The following UPF3B variants were observed in gnomAD, a reference collection of about 807,000 sequenced individuals.
The protein encoded by UPF3B is UPF3B regulator of nonsense mediated mRNA decay.
A neutral mutation model predicts 40.3 loss-of-function variants in UPF3B; 7 were observed. The ratio of observed to expected loss-of-function variants is 0.17; its 90% CI spans 0.10 to 0.33. The LOEUF is 0.33. Ranked by LOEUF, UPF3B falls within the 10% of genes least tolerant of loss-of-function variation. The probability of loss-of-function intolerance (pLI) is 1.00; values close to 1 mark genes in which losing one functional copy is unlikely to be tolerated. For missense variants in UPF3B, 229 were observed against 358.9 expected, an observed-to-expected ratio of 0.64 and a Z score of 2.93; for synonymous variants, 117 against 117.3, an observed-to-expected ratio of 1.00 and a Z score of 0.01.
At position 119,837,862 on chromosome X, in the gene UPF3B, T is replaced by C. The variant is rs769010384; in HGVS notation, c.1197A>G (p.Thr399=). ...KEEEMKKEKD[T]LRDKGKKAES... ...CAGCCTTCTTTCCTTTATCCCGAAG[T>C]GTGTCTTTCTCTTTTTTCATTTCTT... Residue 399 remains threonine, a synonymous_variant, in exon 10 of 11, where the codon ACA becomes ACG. Coordinates refer to ENST00000276201, the MANE Select transcript of UPF3B (RefSeq NM_080632.3). The C allele has an allele frequency of 8.3e-6, 10 of 1,208,784 alleles. No individual in the cohort carries two copies. In the South Asian group the frequency reaches 8.8e-5, roughly 11 times the overall value.
chrX:119,840,074 C>A (rs773839549), intron 8 of UPF3B, among the ~76,000 whole-genome samples: 30 of 111,570 alleles, frequency 2.7e-4, no homozygotes, highest in Admixed American at 9.5e-5. Context: ...ACCCTGCCAC[C>A]CTCTCTGTGA....
chrX:119,826,110 G>A (rs1241002300), intron 3 of UPF3B, among the ~76,000 whole-genome samples: 5 of 111,589 alleles, frequency 4.5e-5, no homozygotes, highest in Non-Finnish European at 7.5e-5. Context: ...GCAGTGAGCC[G>A]AGATCGTGCC....
chrX:119,844,930 T>C (rs1371198450), intron 4 of UPF3B, among the ~76,000 whole-genome samples: 1 of 112,274 alleles, frequency 8.9e-6, no homozygotes, highest in Admixed American at 9.5e-5. Flanking sequence ...TCAATAAACC[T>C]ATGGTGATTT....
intron 5 of UPF3B, among the ~76,000 whole-genome samples, chrX:119,813,949 C>G (rs2055843700): frequency 1.8e-5 from 2 of 111,546 alleles, no homozygotes; most frequent in African/African-American, 6.5e-5. Flanking sequence ...GAACCATGAA[C>G]TGATCGTTCT....
At position 119,851,850 on chromosome X, in the gene UPF3B, G is replaced by A; in HGVS notation, c.180C>T (p.Pro60=). The A allele has an allele frequency of 1.7e-6, 2 of 1,191,694 alleles. No homozygotes were observed. The highest frequency in any genetic ancestry group is 2.3e-6 in the Non-Finnish European group (2 of 885,072). Residue 60 remains proline (P), a synonymous_variant, in exon 2 of 11, where the codon CCC becomes CCT. Transcript: ENST00000276201. Reference sequence around the variant, plus strand: ...CCTGAAGCTGCTCCTTGGTCAAAGTGGGAGGTAATCTTCGAATTACCACCT... The same window carrying A: ...CCTGAAGCTGCTCCTTGGTCAAAGTAGGAGGTAATCTTCGAATTACCACCT... ...LSKVVIRRLP[P]TLTKEQLQEH...
chrX:119,841,707 G>A, intron 6 of UPF3B, 28 bp downstream of exon 6: 9 of 1,184,351 alleles, frequency 7.6e-6, no homozygotes, highest in Non-Finnish European at 1.0e-5. Context: ...TTAAAGTATT[G>A]AGAGAACTAT....
rs1366039876 is a variant in UPF3B at position 119,807,473 on chromosome X, T to C, written c.*11+2A>G. 10 of 886,666 alleles carry C rather than the reference T, an allele frequency of 1.1e-5. No individual in the cohort carries two copies. The highest frequency in any genetic ancestry group is 1.4e-5 in the Non-Finnish European group (10 of 706,851). The allele number at this position is 886,666 out of a possible 1,213,427, so 73.1% of individuals were successfully genotyped here. ...TTCTTTTCTATGGTTAATATCACTT[T>C]CCTGCTTTCTTTCTACTGCTGAATC... On this transcript the variant is annotated splice_donor_variant, in intron 6 of 6. Transcript: ENST00000636792. LOFTEE classifies it low-confidence loss of function (3UTR_SPLICE).
intron 3 of UPF3B, among the ~76,000 whole-genome samples, chrX:119,849,538 A>C (rs893259755): frequency 1.8e-5 from 2 of 110,101 alleles, no homozygotes; most frequent in African/African-American, 6.6e-5. Context: ...AAAAAAACAA[A>C]AATAAAAACC....
At chrX:119,815,851 G>T (rs896541305) in intron 4 of UPF3B, among the ~76,000 whole-genome samples, 3 of 111,582 alleles carry the variant, frequency 2.7e-5, no homozygotes, top group Non-Finnish European at 5.6e-5. Context: ...GTGCAATCTC[G>T]GCTCACTGTA....
At chrX:119,828,989 G>A (rs2056009612) in intron 3 of UPF3B, among the ~76,000 whole-genome samples, 1 of 111,374 alleles carries the variant, frequency 9.0e-6, no homozygotes, top group African/African-American at 3.3e-5. Context: ...CAAAAGTGCT[G>A]GGATTACAGG....
At chrX:119,849,381 A>G (rs2056272995) in intron 3 of UPF3B, among the ~76,000 whole-genome samples, 1 of 109,459 alleles carries the variant, frequency 9.1e-6, no homozygotes, top group Admixed American at 9.8e-5. Context: ...AATCCCAGCT[A>G]AGTCGGCAGG....
chrX:119,822,015 A>G (rs1217137162), intron 4 of UPF3B, among the ~76,000 whole-genome samples: 3 of 111,755 alleles, frequency 2.7e-5, no homozygotes, highest in Non-Finnish European at 5.6e-5. Context: ...AACAAACTAG[A>G]TTGTCAAGAA....
intron 4 of UPF3B, among the ~76,000 whole-genome samples, chrX:119,844,850 G>A (rs1356154295): frequency 8.9e-6 from 1 of 111,876 alleles, no homozygotes; most frequent in Non-Finnish European, 1.9e-5. Flanking sequence ...TGATCCGCCC[G>A]CCTTGGCCTC....
chrX:119,837,778 C>G lies in UPF3B; in HGVS notation c.1281G>C (p.Lys427Asn), dbSNP rs1259096709. 8.3e-7 allele frequency: 1 copy of G among 1,208,675 alleles called. No individual in the cohort carries two copies. Among genetic ancestry groups the G allele is most frequent in the Non-Finnish European group, 1.1e-6 (1 of 895,166 alleles). ...EKTEKKEEVV[K>N]RDRIRNKDRP... ...GCACCTTGTTTCTTATTCGATCTCTCTTGACCACTTCTTCTTTCTTTTCAG... is the reference window on the plus strand; with the variant it reads ...GCACCTTGTTTCTTATTCGATCTCTGTTGACCACTTCTTCTTTCTTTTCAG... Residue 427 changes from lysine (K) to asparagine (N), a missense_variant, in exon 10 of 11, where the codon AAG (lysine) becomes AAC (asparagine). By Grantham distance (94) the Lys-to-Asn change is moderately conservative. Coordinates refer to ENST00000276201, the MANE Select transcript of UPF3B (RefSeq NM_080632.3).
chrX:119,816,987 T>C (rs181690551), intron 4 of UPF3B, among the ~76,000 whole-genome samples: 30 of 111,540 alleles, frequency 2.7e-4, no homozygotes, highest in African/African-American at 9.7e-4. Flanking sequence ...AAATAAAATA[T>C]GTGACGTAGT....
In UPF3B at chrX:119,851,582, C is replaced by T. The variant is rs1556383687; in HGVS notation, c.283G>A (p.Ala95Thr). 2 of 1,199,190 alleles carry T rather than the reference C, an allele frequency of 1.7e-6. No individual in the cohort carries two copies. The highest frequency in any genetic ancestry group is 3.5e-5 in the African/African-American group (2 of 56,658). ...NDTSLYPHMYARAYINFKNQE... is the reference protein window; with the variant it reads ...NDTSLYPHMYTRAYINFKNQE... ...TTTTTAAAGTTGATGTATGCTCTGG[C>T]ATACATATGAGGATACAAACTGCAG... is the stretch of plus-strand genomic sequence containing the variant. The change falls in exon 3 of 11, where the codon GCC becomes ACC. Residue 95 changes from alanine to threonine, a missense_variant. Physicochemically the swap from Ala to Thr is moderately conservative, Grantham distance 58. Around this residue, in one of 3 missense-constraint regions of UPF3B, gnomAD observed 87 missense variants for 184.2 expected, o/e 0.47. Transcript: ENST00000276201.
At position 119,834,634 on chromosome X, in the gene UPF3B, T is replaced by C. The variant is rs2056072086; in HGVS notation, c.*244A>G. 1 of 1,051,420 alleles carries C rather than the reference T, an allele frequency of 9.5e-7. No individual in the cohort carries two copies. The highest frequency in any genetic ancestry group is 1.2e-6 in the Non-Finnish European group (1 of 820,933). 86.6% of individuals were successfully genotyped at this position (1,051,420 alleles called of 1,213,427 possible). A position where few individuals can be genotyped will look rare whatever the true frequency, so the allele number is the denominator to read the frequency against. ...CAAATTGCAATGCATGTCCTTGCCGTCACCTTTTTCTGACACTTTAAAATT... is the reference window on the plus strand; with the variant it reads ...CAAATTGCAATGCATGTCCTTGCCGCCACCTTTTTCTGACACTTTAAAATT... On this transcript the variant is annotated 3_prime_UTR_variant, in exon 11 of 11. Coordinates refer to ENST00000276201, the MANE Select transcript of UPF3B (RefSeq NM_080632.3).
chrX:119,837,118 T>C (rs970052780), intron 10 of UPF3B, among the ~76,000 whole-genome samples: 1 of 107,677 alleles, frequency 9.3e-6, no homozygotes, highest in Non-Finnish European at 1.9e-5. Flanking sequence ...CGATTTTTTG[T>C]ATTTTTAGTA....
chrX:119,848,418 G>C (rs184143507), intron 3 of UPF3B, among the ~76,000 whole-genome samples: 257 of 110,640 alleles, frequency 2.3e-3, no homozygotes, highest in Non-Finnish European at 3.8e-3. Context: ...ACCTACAGTA[G>C]TGAAACTCAT....
Sources: allele counts gnomAD v4.1 joint callset (sites outside exome capture counted in the v4.1 genomes callset), GRCh38; gene constraint gnomAD v4.1.1; regional missense constraint gnomAD v4.1.1; transcripts MANE v1.5; gene names NCBI Gene and HGNC (gene_info 2026-07-23, HGNC 2026-07-21).